Variants in MIEF2 observed in about 807,000 individuals in gnomAD.
MIEF2 encodes the protein mitochondrial dynamics protein MID49.
A neutral mutation model predicts 7.4 loss-of-function variants in MIEF2; 1 was observed. That is an observed-to-expected ratio of 0.14 (90% confidence interval 0.05 to 0.64). The LOEUF (loss-of-function observed/expected upper bound fraction) is 0.64. Among genes scored for constraint, MIEF2 ranks in the 30% least tolerant of loss-of-function variants. MIEF2 has a pLI of 0.85. For synonymous variants in MIEF2, 275 were observed against 290.5 expected (o/e 0.95, Z 0.54); for missense variants, 569 against 623.9 (o/e 0.91, Z 0.94).
At position 18,264,589 on chromosome 17, in the gene MIEF2, T is replaced by C. The variant is rs2142908388; in HGVS notation, c.1190T>C (p.Leu397Ser). ...EDNVDWTEEALGERFLQALEL... is the reference protein window; with the variant it reads ...EDNVDWTEEASGERFLQALEL... ...AACGTGGATTGGACGGAGGAGGCCTTGGGTGAGCGCTTCCTGCAAGCCCTG... is the reference window on the plus strand; with the variant it reads ...AACGTGGATTGGACGGAGGAGGCCTCGGGTGAGCGCTTCCTGCAAGCCCTG... Residue 397 changes from leucine to serine, a missense_variant, in exon 4 of 4, where the codon TTG becomes TCG. Coordinates refer to ENST00000323019, the MANE Select transcript of MIEF2 (RefSeq NM_139162.4). 1 of 1,610,898 alleles carries C rather than the reference T, an allele frequency of 6.2e-7. No homozygotes were observed. The highest frequency in any genetic ancestry group is 8.5e-7 in the Non-Finnish European group (1 of 1,179,984).
chr17:18,263,952 G>A lies in MIEF2; in HGVS notation c.553G>A (p.Gly185Arg), dbSNP rs745679119. The change falls in exon 4 of 4, where the codon GGG (glycine) becomes AGG (arginine). Residue 185 changes from glycine (G) to arginine (R), a missense_variant. Physicochemically the swap from Gly to Arg is moderately radical, Grantham distance 125 (BLOSUM62 -2). Coordinates refer to ENST00000323019, the MANE Select transcript of MIEF2 (RefSeq NM_139162.4). ...AFVPGGPLYD[G>R]LQAGAADHVR... ...CGTGCCTGGGGGGCCGCTCTACGAC[G>A]GGCTGCAGGCGGGGGCTGCGGACCA... 23 of 1,589,194 alleles carry A rather than the reference G, an allele frequency of 1.4e-5. No homozygotes were observed. In the Admixed American group the frequency reaches 2.0e-4, roughly 14 times the overall value.
At chr17:18,261,540 T>C (rs931433233) in intron 1 of MIEF2, among the ~76,000 whole-genome samples, 2 of 152,160 alleles carry the variant, frequency 1.3e-5, no homozygotes, top group Admixed American at 6.5e-5. Flanking sequence ...GTCTAACTGA[T>C]GTCCTAAGGT....
chr17:18,262,686 T>C (rs761406382), intron 1 of MIEF2, 28 bp from the exon 2 acceptor site: 4 of 1,555,828 alleles, frequency 2.6e-6, no homozygotes, highest in Non-Finnish European at 3.5e-6. Context: ...GCACCTGAGC[T>C]GCCCCTTCAC....
chr17:18,264,665 C>T lies in MIEF2; in HGVS notation c.1266C>T (p.Asn422=). 2 of 1,612,730 alleles carry T rather than the reference C, an allele frequency of 1.2e-6. No homozygotes were observed. Among genetic ancestry groups the T allele is most frequent in the Non-Finnish European group, 1.7e-6 (2 of 1,180,008 alleles). Residue 422 remains asparagine, a synonymous_variant, in exon 4 of 4, where the codon AAC becomes AAT. Coordinates refer to ENST00000323019, the MANE Select transcript of MIEF2 (RefSeq NM_139162.4). ...LEQASLPCHF[N]PSVNLFSSLR... The stretch of plus-strand genomic sequence containing the variant: ...AGGCCAGCCTGCCCTGCCACTTCAA[C>T]CCCAGCGTGAACCTCTTCAGCAGCT...
rs527450134 is a variant in MIEF2 at position 18,264,550 on chromosome 17, G to A, written c.1151G>A (p.Arg384His). Residue 384 changes from arginine (R) to histidine (H), a missense_variant, in exon 4 of 4, where the codon CGT becomes CAT. Arg to His is a conservative substitution (Grantham distance 29). Transcript: ENST00000323019. ...GGTCACCTGACCCAGGTGGTCCTGC[G>A]TCTGGGGGAGGACAACGTGGATTGG... ...GRGHLTQVVLRLGEDNVDWTE... is the reference protein window; with the variant it reads ...GRGHLTQVVLHLGEDNVDWTE... 1.1e-5 allele frequency: 17 copies of A among 1,610,708 alleles called. No individual in the cohort carries two copies. Among genetic ancestry groups the A allele is most frequent in the South Asian group, 4.4e-5 (4 of 91,074 alleles).
Position 18,264,181 on chromosome 17 carries a change from C to T in MIEF2, c.782C>T (p.Ala261Val), listed in dbSNP as rs370780579. The stretch of plus-strand genomic sequence containing the variant: ...GTCCTGCTGGAGCTACTCCGCAAGG[C>T]GCTGGCTGCTTCTGTCAACTGGCCG... ...SRVLLELLRK[A>V]LAASVNWPAI... The change falls in exon 4 of 4, where the codon GCG (alanine) becomes GTG (valine). Residue 261 changes from alanine to valine, a missense_variant. Ala to Val is a moderately conservative substitution (Grantham distance 64). Transcript: ENST00000323019. 971 of 1,596,028 alleles carry T rather than the reference C, an allele frequency of 6.1e-4. 6 individuals carry two copies. The South Asian group carries it at 6.9e-3, about 11-fold the overall frequency.
Position 18,262,776 on chromosome 17 carries a change from G to A in MIEF2, c.56G>A (p.Ser19Asn). Residue 19 changes from serine (S) to asparagine (N), a missense_variant, in exon 2 of 4, where the codon AGC becomes AAC. Ser to Asn is a conservative substitution (Grantham distance 46). Transcript: ENST00000323019. ...GKRRSDEGLGSMVDFLLANAR... is the reference protein window; with the variant it reads ...GKRRSDEGLGNMVDFLLANAR... ...CGGCGTAGCGACGAAGGGCTGGGCAGCATGGTGGACTTCCTCCTGGCCAAT... is the reference window on the plus strand; with the variant it reads ...CGGCGTAGCGACGAAGGGCTGGGCAACATGGTGGACTTCCTCCTGGCCAAT... The A allele has an allele frequency of 1.2e-6, 2 of 1,603,444 alleles. No individual in the cohort carries two copies. The highest frequency in any genetic ancestry group is 1.7e-6 in the Non-Finnish European group (2 of 1,174,562).
At chr17:18,262,889 A>G in intron 2 of MIEF2, 22 bp downstream of exon 2, 1 of 1,530,260 alleles carries the variant, frequency 6.5e-7, no homozygotes, top group East Asian at 2.3e-5. Context: ...TGGGCGGGTC[A>G]TGCCTGAAGC....
rs1425009578 is a variant in MIEF2 at position 18,264,512 on chromosome 17, G to A, written c.1113G>A (p.Gly371=). The stretch of plus-strand genomic sequence containing the variant: ...TCTGCCGTGGTTGCTCGGCTCTGGG[G>A]CAGCTAGGCCGGGGTCACCTGACCC... The part of the protein sequence containing the change: ...CAVCRGCSAL[G]QLGRGHLTQV... Residue 371 remains glycine (G), a synonymous_variant, in exon 4 of 4, where the codon GGG becomes GGA. Coordinates refer to ENST00000323019, the MANE Select transcript of MIEF2 (RefSeq NM_139162.4). 2 of 1,608,780 alleles carry A rather than the reference G, an allele frequency of 1.2e-6. No individual in the cohort carries two copies. Among genetic ancestry groups the A allele is most frequent in the East Asian group, 2.2e-5 (1 of 44,894 alleles).
chr17:18,261,764 C>T (rs1325775952), intron 1 of MIEF2, among the ~76,000 whole-genome samples: 2 of 152,202 alleles, frequency 1.3e-5, no homozygotes, highest in Non-Finnish European at 2.9e-5. Context: ...CTTCACCTTA[C>T]TTTCTGTGTT....
rs761038231 is a variant in MIEF2 at position 18,264,061 on chromosome 17, G to A, written c.662G>A (p.Arg221His). 5 of 1,551,368 alleles carry A rather than the reference G, an allele frequency of 3.2e-6. No homozygotes were observed. Among genetic ancestry groups the A allele is most frequent in the Middle Eastern group, 1.8e-4 (1 of 5,676 alleles). Residue 221 changes from arginine (R) to histidine (H), a missense_variant, in exon 4 of 4, where the codon CGC becomes CAC. By Grantham distance (29) the Arg-to-His change is conservative. Transcript: ENST00000323019. Reference protein sequence around the residue: ...PGVDTVARDPRCWAVRRTQLE... With the variant: ...PGVDTVARDPHCWAVRRTQLE... ...GTGGACACTGTGGCGAGGGACCCTC[G>A]CTGCTGGGCCGTGCGCAGGACGCAG...
chr17:18,264,585 G>T lies in MIEF2; in HGVS notation c.1186G>T (p.Ala396Ser), dbSNP rs376241448. The T allele has an allele frequency of 6.2e-7, 1 of 1,610,930 alleles. No individual in the cohort carries two copies. The change falls in exon 4 of 4, where the codon GCC becomes TCC. Residue 396 changes from alanine (A) to serine (S), a missense_variant. By Grantham distance (99) the Ala-to-Ser change is moderately conservative (BLOSUM62 1). Transcript: ENST00000323019. ...GGACAACGTGGATTGGACGGAGGAG[G>T]CCTTGGGTGAGCGCTTCCTGCAAGC... ...GEDNVDWTEE[A>S]LGERFLQALE...
intron 1 of MIEF2, among the ~76,000 whole-genome samples, chr17:18,261,890 C>A (rs1417861193): frequency 1.3e-5 from 2 of 152,372 alleles, no homozygotes; most frequent in Non-Finnish European, 1.5e-5. Context: ...TTCTGCCCTG[C>A]CAAAGGGGCT....
chr17:18,262,628 C>A, intron 1 of MIEF2, 86 bp from the exon 2 acceptor site: 1 of 1,300,234 alleles, frequency 7.7e-7, no homozygotes, highest in Non-Finnish European at 1.0e-6. Flanking sequence ...AGCATAAGGA[C>A]AGCTAGAGCA....
At chr17:18,263,323 G>A (rs1978529935) in intron 3 of MIEF2, 75 bp downstream of exon 3, 1 of 1,585,838 alleles carries the variant, frequency 6.3e-7, no homozygotes, top group African/African-American at 1.3e-5. Flanking sequence ...GACTGACTGT[G>A]TGACCCTGCG....
At position 18,265,939 on chromosome 17, in the gene MIEF2, G is replaced by C. The variant is rs1978726281; in HGVS notation, c.*1175G>C. ...AAGTAGCATCTTGGCCGGGTGTGGT[G>C]GCTCGCATCTGTAATCCCAGCACAT... On this transcript the variant is annotated 3_prime_UTR_variant, in exon 4 of 4. Coordinates refer to ENST00000323019, the MANE Select transcript of MIEF2 (RefSeq NM_139162.4). 6.6e-6 allele frequency: 1 copy of C among 152,256 alleles called. No individual in the cohort carries two copies. Among genetic ancestry groups the C allele is most frequent in the African/African-American group, 2.4e-5 (1 of 41,458 alleles). The allele number at this position is 152,256 out of a possible 1,614,324, so 9.4% of individuals were successfully genotyped here. A position where few individuals can be genotyped will look rare whatever the true frequency, so the allele number is the denominator to read the frequency against.
chr17:18,264,261 C>G lies in MIEF2; in HGVS notation c.862C>G (p.Leu288Val). 6.2e-7 allele frequency: 1 copy of G among 1,605,732 alleles called. No individual in the cohort carries two copies. The highest frequency in any genetic ancestry group is 8.5e-7 in the Non-Finnish European group (1 of 1,179,800). Residue 288 changes from leucine to valine, a missense_variant, in exon 4 of 4, where the codon CTG becomes GTG. By Grantham distance (32) the Leu-to-Val change is conservative (BLOSUM62 1). Transcript: ENST00000323019. ...LIRPSMASEE[L>V]LLEVQHERLE... Reference sequence around the variant, plus strand: ...CCGGCCCAGCATGGCCTCGGAGGAGCTGCTGCTCGAGGTGCAGCACGAACG... The same window carrying G: ...CCGGCCCAGCATGGCCTCGGAGGAGGTGCTGCTCGAGGTGCAGCACGAACG...
intron 1 of MIEF2, among the ~76,000 whole-genome samples, chr17:18,261,903 A>T (rs1270461757): frequency 6.6e-6 from 1 of 152,244 alleles, no homozygotes; most frequent in Non-Finnish European, 1.5e-5. Flanking sequence ...AAGGGGCTTC[A>T]ACCCTGACAA....
At position 18,263,728 on chromosome 17, in the gene MIEF2, A is replaced by T. The variant is rs1232472456; in HGVS notation, c.329A>T (p.Asp110Val). 18 of 1,589,052 alleles carry T rather than the reference A, an allele frequency of 1.1e-5. No individual in the cohort carries two copies. The highest frequency in any genetic ancestry group is 1.5e-5 in the Non-Finnish European group (17 of 1,163,526). Residue 110 changes from aspartate to valine, a missense_variant, in exon 4 of 4, where the codon GAT becomes GTT. Physicochemically the swap from Asp to Val is radical, Grantham distance 152 (BLOSUM62 -3). Coordinates refer to ENST00000323019, the MANE Select transcript of MIEF2 (RefSeq NM_139162.4). ...SSAPEGPAET[D>V]PEVTPQLSSP... is the part of the protein sequence containing the mutation. The stretch of plus-strand genomic sequence containing the variant: ...TCTGCAGAAGGGCCTGCAGAAACTG[A>T]TCCTGAGGTGACACCACAGCTCAGC...
Sources: allele counts gnomAD v4.1 joint callset (sites outside exome capture counted in the v4.1 genomes callset), GRCh38; gene constraint gnomAD v4.1.1; transcripts MANE v1.5; gene names NCBI Gene and HGNC (gene_info 2026-07-23, HGNC 2026-07-21).